SQOR: variants seen among roughly 807,000 people sequenced by gnomAD.
SQOR encodes the protein sulfide quinone oxidoreductase.
In SQOR, 39 loss-of-function variants were observed where a neutral mutation model predicts 48.6. That is an observed-to-expected ratio of 0.80 (90% CI 0.62 to 1.05). The LOEUF is 1.05. Among genes scored for constraint, SQOR ranks in the 50% least tolerant of loss-of-function variants. SQOR has a pLI of 0.00. For synonymous variants in SQOR, 220 were observed against 206.2 expected (o/e 1.07, Z -0.57); for missense variants, 561 against 559.9 (o/e 1.00, Z -0.02).
intron 4 of SQOR, among the ~76,000 whole-genome samples, chr15:45,671,065 G>C (rs1349308872): frequency 6.6e-6 from 1 of 152,202 alleles, no homozygotes; most frequent in Non-Finnish European, 1.5e-5. Flanking sequence ...GTTCATAGCA[G>C]CCTCTTGTAG....
chr15:45,686,718 A>G (rs1221002229), intron 7 of SQOR, among the ~76,000 whole-genome samples: 1 of 152,228 alleles, frequency 6.6e-6, no homozygotes, highest in Non-Finnish European at 1.5e-5. Flanking sequence ...CAAAATAACC[A>G]CTTTAATAAG....
At chr15:45,676,714 G>T (rs1338674796) in intron 6 of SQOR, among the ~76,000 whole-genome samples, 1 of 152,206 alleles carries the variant, frequency 6.6e-6, no homozygotes, top group Non-Finnish European at 1.5e-5. Flanking sequence ...AGTCCTGCTT[G>T]TGAGCAGGAA....
chr15:45,647,095 A>T (rs1481486970), intron 1 of SQOR, among the ~76,000 whole-genome samples: 1 of 152,068 alleles, frequency 6.6e-6, no homozygotes, highest in Non-Finnish European at 1.5e-5. Flanking sequence ...TTAAAAATAT[A>T]TAAATTAGCT....
intron 1 of SQOR, among the ~76,000 whole-genome samples, chr15:45,658,058 G>T (rs147503257): frequency 2.6e-5 from 4 of 152,234 alleles, no homozygotes; most frequent in East Asian, 3.9e-4. Context: ...AGCACTAACT[G>T]CTGAGAGTAG....
At chr15:45,639,326 G>A (rs1224470463) in intron 1 of SQOR, among the ~76,000 whole-genome samples, 1 of 152,380 alleles carries the variant, frequency 6.6e-6, no homozygotes, top group African/African-American at 2.4e-5. Flanking sequence ...GTTGTGCCAT[G>A]TACATAGTAA....
intron 1 of SQOR, among the ~76,000 whole-genome samples, chr15:45,642,723 A>C (rs8036075): frequency 0.25 from 38,600 of 152,068 alleles, 6,154 homozygotes; most frequent in East Asian, 0.64. Context: ...CAGGTCCCTG[A>C]CATAACTTCC....
intron 1 of SQOR, among the ~76,000 whole-genome samples, chr15:45,639,679 G>A (rs1895071753): frequency 6.6e-6 from 1 of 152,208 alleles, no homozygotes; most frequent in Non-Finnish European, 1.5e-5. Flanking sequence ...GGAAAATGAT[G>A]TGTTTTAACA....
intron 1 of SQOR, among the ~76,000 whole-genome samples, chr15:45,646,648 T>C (rs928116717): frequency 6.6e-6 from 1 of 152,188 alleles, no homozygotes; most frequent in Non-Finnish European, 1.5e-5. Context: ...TCTGACATAG[T>C]TTTTTTAAAT....
chr15:45,679,014 T>G (rs1890081746), intron 6 of SQOR, among the ~76,000 whole-genome samples: 1 of 152,242 alleles, frequency 6.6e-6, no homozygotes, highest in South Asian at 2.1e-4. Context: ...GCAAAGTGTA[T>G]GAACTTGAGT....
Position 45,662,718 on chromosome 15 carries a change from T to A in SQOR, c.405+593T>A, listed in dbSNP as rs555155534. ...AAGCTTTTCAGCAGTGGCCGCCCCATGTTTGACTGAGGTGATAAGAGCAGG... is the reference window on the plus strand; with the variant it reads ...AAGCTTTTCAGCAGTGGCCGCCCCAAGTTTGACTGAGGTGATAAGAGCAGG... On this transcript the variant is annotated intron_variant, in intron 3 of 9. Coordinates refer to ENST00000260324, the MANE Select transcript of SQOR (RefSeq NM_021199.4). Among the ~76,000 whole-genome samples, 13 of 152,248 alleles carry A rather than the reference T, an allele frequency of 8.5e-5. No homozygotes were observed. The East Asian group carries it at 2.5e-3, about 29-fold the overall frequency.
At chr15:45,673,108 GA>G (rs1259813035) in intron 4 of SQOR, among the ~76,000 whole-genome samples, 5 of 152,192 alleles carry the variant, frequency 3.3e-5, no homozygotes, top group Non-Finnish European at 5.9e-5. Context: ...CTAGTAAGTG[GA>G]AGAGCCAGGA....
At chr15:45,669,296 G>A (rs1294249815) in intron 3 of SQOR, among the ~76,000 whole-genome samples, 1 of 151,606 alleles carries the variant, frequency 6.6e-6, no homozygotes, top group Non-Finnish European at 1.5e-5. Context: ...CAGCCCCCCT[G>A]GGGACTACAG....
intron 1 of SQOR, among the ~76,000 whole-genome samples, chr15:45,639,072 TA>T (rs1448990669): frequency 1.3e-5 from 2 of 152,146 alleles, no homozygotes; most frequent in South Asian, 2.1e-4. Context: ...ACAATAGGTT[TA>T]AAAAAAATGG....
At chr15:45,652,518 A>G (rs1889512447) in intron 1 of SQOR, among the ~76,000 whole-genome samples, 1 of 150,358 alleles carries the variant, frequency 6.7e-6, no homozygotes, top group Non-Finnish European at 1.5e-5. Context: ...ACTTTTTTCT[A>G]GTTTTTGTAG....
intron 2 of SQOR, among the ~76,000 whole-genome samples, chr15:45,659,763 A>G (rs756330198): frequency 2.0e-4 from 30 of 152,186 alleles, no homozygotes; most frequent in Non-Finnish European, 3.4e-4. Context: ...TCTTAATTTG[A>G]TTACATTTGC....
At chr15:45,641,044 T>TC (rs1224912112) in intron 1 of SQOR, among the ~76,000 whole-genome samples, 7 of 152,092 alleles carry the variant, frequency 4.6e-5, no homozygotes, top group Non-Finnish European at 2.9e-5. Flanking sequence ...TCATTTTTTT[T>TC]CCCCCTATAT....
At chr15:45,634,198 C>CTATATATATATATATATATATA (rs60889862), upstream of SQOR, among the ~76,000 whole-genome samples, 1,654 of 43,118 alleles carry the variant, frequency 0.038, 220 homozygotes, top group Non-Finnish European at 0.049. Context: ...ACAACAACAA[C>CTATATATATATATATATATATA]TATATATATA....
chr15:45,665,488 T>G (rs1318266897), intron 3 of SQOR, among the ~76,000 whole-genome samples: 1 of 152,236 alleles, frequency 6.6e-6, no homozygotes, highest in African/African-American at 2.4e-5. Flanking sequence ...GTTTTAACTC[T>G]GTAACATGTC....
Position 45,650,474 on chromosome 15 carries a change from G to A in SQOR, c.-17-8433G>A, listed in dbSNP as rs914581064. Among the ~76,000 whole-genome samples the A allele has an allele frequency of 1.1e-4, 16 of 152,310 alleles. No homozygotes were observed. The East Asian group carries it at 2.5e-3, about 24-fold the overall frequency. ...TCACAGTGAGTGTTACAGCACATAA[G>A]GGTAATGCCAGTGTGGACTCAAAGA... On this transcript the variant is annotated intron_variant, in intron 1 of 9. Coordinates refer to ENST00000260324, the MANE Select transcript of SQOR (RefSeq NM_021199.4).
Sources: gnomAD v4.1 joint callset for allele counts (sites outside exome capture counted in the v4.1 genomes callset) on GRCh38, gnomAD v4.1.1 for gene constraint, MANE v1.5 for transcripts, NCBI Gene and HGNC (gene_info 2026-07-23, HGNC 2026-07-21) for gene names.